The following ADARB2 variants were observed in gnomAD, a reference collection of about 807,000 sequenced individuals.
ADARB2 encodes the protein inactive double-stranded RNA-specific editase B2.
In ADARB2, 25 loss-of-function variants were observed where a neutral mutation model predicts 62.2. The ratio of observed to expected loss-of-function variants is 0.40; its 90% CI spans 0.29 to 0.56. The LOEUF (loss-of-function observed/expected upper bound fraction) is 0.56, where lower values mean the gene tolerates loss of function less well. ADARB2 is among the 20% of genes least tolerant of loss of function. The probability of loss-of-function intolerance (pLI) is 0.43; values close to 1 mark genes in which losing one functional copy is unlikely to be tolerated. For missense variants in ADARB2, 1,071 were observed against 1,077.4 expected (o/e 0.99, Z 0.08); for synonymous variants, 572 against 500.8 (o/e 1.14, Z -1.90).
chr10:1,220,512 C>G (rs1322962890), intron 6 of ADARB2, among the ~76,000 whole-genome samples: 1 of 152,046 alleles, frequency 6.6e-6, no homozygotes, highest in Non-Finnish European at 1.5e-5. Context: ...CAGGTGGGGT[C>G]TTTATGAACA....
Position 1,592,380 on chromosome 10 carries a change from TCCCTTCGCCCAAGCCACCCTCCATAGG to T in ADARB2, c.100+144644_100+144670del, listed in dbSNP as rs1833270400. ...GGCATGGTCCCCTCTGTCACCCAGC[TCCCTTCGCCCAAGCCACCCTCCATAGG>T]TCTCCTCTCTGGCATGGTCCCCTCT... On this transcript the variant is annotated intron_variant, in intron 1 of 9. Coordinates refer to ENST00000381312, the MANE Select transcript of ADARB2 (RefSeq NM_018702.4). 8.1e-5 allele frequency among the ~76,000 whole-genome samples: 7 copies of T among 86,058 alleles called. 1 individual carries two copies. The highest frequency in any genetic ancestry group is 3.4e-4 in the African/African-American group (7 of 20,812). 56.5% of individuals were successfully genotyped at this position (86,058 alleles called of 152,430 possible). A position where few individuals can be genotyped will look rare whatever the true frequency, so the allele number is the denominator to read the frequency against.
chr10:1,387,957 G>A (rs930556054), intron 1 of ADARB2, among the ~76,000 whole-genome samples: 1 of 152,066 alleles, frequency 6.6e-6, no homozygotes, highest in Middle Eastern at 3.4e-3. Context: ...ATCAATCAAT[G>A]TAATTCACAA....
Position 1,675,990 on chromosome 10 carries a change from A to G in ADARB2, c.100+61061T>C, listed in dbSNP as rs1406375089. On this transcript the variant is annotated intron_variant, in intron 1 of 9. Transcript: ENST00000381312. The stretch of plus-strand genomic sequence containing the variant: ...AGATGTGGAGTAAGGGCTGCATCCC[A>G]CCCACCCCCGACTTTGGTAAGAGGC... 18 of 984,422 alleles carry G rather than the reference A, an allele frequency of 1.8e-5. No individual in the cohort carries two copies. The South Asian group carries it at 7.1e-4, about 39-fold the overall frequency. The allele number at this position is 984,422 out of a possible 1,614,324, so 61.0% of individuals were successfully genotyped here. A position where few individuals can be genotyped will look rare whatever the true frequency, so the allele number is the denominator to read the frequency against.
chr10:1,347,191 T>C (rs1564264314), intron 3 of ADARB2, among the ~76,000 whole-genome samples: 1 of 152,182 alleles, frequency 6.6e-6, no homozygotes, highest in Non-Finnish European at 1.5e-5. Context: ...AGAAATGGGA[T>C]TAGAGGAGCT....
intron 3 of ADARB2, 151 bp downstream of exon 3, chr10:1,362,877 T>A: frequency 1.3e-6 from 1 of 783,120 alleles, no homozygotes; most frequent in Non-Finnish European, 1.7e-6. Context: ...ATCAATCACC[T>A]CACCAGGCCG....
intron 4 of ADARB2, among the ~76,000 whole-genome samples, chr10:1,266,982 G>C (rs1348427203): frequency 1.3e-5 from 2 of 152,078 alleles, no homozygotes; most frequent in Non-Finnish European, 2.9e-5. Flanking sequence ...AATTTTAAAA[G>C]TAAAAGCAGA....
intron 1 of ADARB2, among the ~76,000 whole-genome samples, chr10:1,402,975 G>C (rs1014924014): frequency 9.9e-5 from 15 of 152,238 alleles, no homozygotes; most frequent in African/African-American, 3.6e-4. Flanking sequence ...TGTTTGTTCC[G>C]TGAGGGGCAC....
At chr10:1,533,155 A>T (rs1832272062) in intron 1 of ADARB2, among the ~76,000 whole-genome samples, 1 of 148,742 alleles carries the variant, frequency 6.7e-6, no homozygotes, top group Non-Finnish European at 1.5e-5. Context: ...GCCTCGCTCC[A>T]TTGCCCAGGC....
At chr10:1,273,073 T>C (rs996268607) in intron 3 of ADARB2, among the ~76,000 whole-genome samples, 2 of 152,196 alleles carry the variant, frequency 1.3e-5, no homozygotes, top group Non-Finnish European at 2.9e-5. Flanking sequence ...ACAATTGTCA[T>C]TGAATTTAGG....
At chr10:1,427,082 A>G (rs901906089) in intron 1 of ADARB2, among the ~76,000 whole-genome samples, 6 of 152,242 alleles carry the variant, frequency 3.9e-5, no homozygotes, top group Non-Finnish European at 5.9e-5. Flanking sequence ...GATCCTCCAT[A>G]AGTAGACTCA....
chr10:1,526,849 C>T (rs373260155), intron 1 of ADARB2: 7 of 515,204 alleles, frequency 1.4e-5, no homozygotes, highest in Non-Finnish European at 2.4e-5. Context: ...CGTGAGCGGG[C>T]ACAGGCAGCC....
At chr10:1,281,669 C>T (rs1831372564) in intron 3 of ADARB2, among the ~76,000 whole-genome samples, 3 of 152,256 alleles carry the variant, frequency 2.0e-5, no homozygotes, top group African/African-American at 4.8e-5. Flanking sequence ...TCCTGCCCCT[C>T]AGGGACCGCA....
intron 1 of ADARB2, among the ~76,000 whole-genome samples, chr10:1,524,745 G>C (rs1303530350): frequency 6.6e-6 from 1 of 152,116 alleles, no homozygotes; most frequent in Non-Finnish European, 1.5e-5. Context: ...ACACGCGCGT[G>C]TGTTCATGTG....
intron 1 of ADARB2, among the ~76,000 whole-genome samples, chr10:1,689,177 C>T (rs552355691): frequency 6.6e-6 from 1 of 152,254 alleles, no homozygotes; most frequent in South Asian, 2.1e-4. Context: ...TAGGATGGTG[C>T]TTGTGCTGGA....
chr10:1,246,435 T>A (rs1830987222), intron 4 of ADARB2, among the ~76,000 whole-genome samples: 2 of 115,544 alleles, frequency 1.7e-5, no homozygotes, highest in South Asian at 7.7e-4. Flanking sequence ...TGAATGGTGA[T>A]GCCCAGGTTT....
chr10:1,551,799 C>T (rs10751803), intron 1 of ADARB2, among the ~76,000 whole-genome samples: 2 of 152,098 alleles, frequency 1.3e-5, no homozygotes. Context: ...GCTTCCGGCT[C>T]TGAATGTCTC....
chr10:1,663,133 G>C (rs918148495), intron 1 of ADARB2, among the ~76,000 whole-genome samples: 2 of 152,192 alleles, frequency 1.3e-5, no homozygotes, highest in African/African-American at 4.8e-5. Flanking sequence ...TATTTTAAAA[G>C]TGATCAACTA....
At chr10:1,643,672 T>C (rs1202219716) in intron 1 of ADARB2, among the ~76,000 whole-genome samples, 1 of 152,176 alleles carries the variant, frequency 6.6e-6, no homozygotes, top group East Asian at 1.9e-4. Context: ...TGGTTCCCTA[T>C]CCCTTAGGGT....
intron 1 of ADARB2, among the ~76,000 whole-genome samples, chr10:1,532,110 C>T (rs557373270): frequency 3.9e-5 from 6 of 152,294 alleles, no homozygotes; most frequent in South Asian, 2.1e-4. Context: ...GCTCCCACTG[C>T]GTGCTGCCTG....
Sources: allele counts gnomAD v4.1 joint callset (sites outside exome capture counted in the v4.1 genomes callset), GRCh38; gene constraint gnomAD v4.1.1; transcripts MANE v1.5; gene names NCBI Gene and HGNC (gene_info 2026-07-23, HGNC 2026-07-21).